MAP3K13: variants seen among roughly 807,000 people sequenced by gnomAD.
The protein encoded by MAP3K13 is leucine zipper-bearing kinase.
MAP3K13 carries 52 observed loss-of-function variants against 104.0 expected under a neutral mutation model. The ratio of observed to expected loss-of-function variants is 0.50; its 90% confidence interval spans 0.40 to 0.63. The LOEUF is 0.63. MAP3K13 is among the 20% of genes least tolerant of loss of function. The pLI is 0.00. For missense variants in MAP3K13, 914 were observed against 1,218.5 expected, an observed-to-expected ratio of 0.75 and a Z score of 3.72; for synonymous variants, 394 against 442.2, an observed-to-expected ratio of 0.89 and a Z score of 1.37.
chr3:185,358,965 T>C (rs1723489585), upstream of MAP3K13, among the ~76,000 whole-genome samples: 1 of 152,176 alleles, frequency 6.6e-6, no homozygotes, highest in Non-Finnish European at 1.5e-5. Flanking sequence ...TGAAGGAAAA[T>C]GACTTGGATG....
At chr3:185,376,836 G>A (rs1444340702) in intron 1 of MAP3K13, among the ~76,000 whole-genome samples, 5 of 152,070 alleles carry the variant, frequency 3.3e-5, no homozygotes, top group African/African-American at 7.2e-5. Context: ...GAATTATGTC[G>A]AGATAGGTAA....
At chr3:185,411,425 C>G (rs1039450578) in intron 1 of MAP3K13, among the ~76,000 whole-genome samples, 5 of 152,130 alleles carry the variant, frequency 3.3e-5, no homozygotes, top group African/African-American at 1.2e-4. Flanking sequence ...GTTTCCAAGC[C>G]CATGACAAAT....
intron 1 of MAP3K13, chr3:185,417,970 G>C: frequency 6.2e-7 from 1 of 1,609,414 alleles, no homozygotes; most frequent in Non-Finnish European, 8.5e-7. Flanking sequence ...GAGGGAAGCG[G>C]CTTTACGCCA....
intron 1 of MAP3K13, among the ~76,000 whole-genome samples, chr3:185,426,935 C>T (rs1386556025): frequency 2.6e-5 from 4 of 152,124 alleles, no homozygotes; most frequent in Non-Finnish European, 5.9e-5. Context: ...CTTTCTTTTA[C>T]CCCCTCTGCA....
chr3:185,299,074 G>A (rs915237268), intron 2 of MAP3K13, among the ~76,000 whole-genome samples: 1 of 152,182 alleles, frequency 6.6e-6, no homozygotes, highest in Admixed American at 6.5e-5. Flanking sequence ...GATGTAGAAT[G>A]TTGCAAGAGA....
In MAP3K13 at chr3:185,293,160, C is replaced by T. The variant is rs548832169; in HGVS notation, c.-86+7517C>T. On this transcript the variant is annotated intron_variant, in intron 2 of 14. Transcript: ENST00000424227. Reference sequence around the variant, plus strand: ...TGAGACAGAGTCTGGCTCTGTCACCCAGGCTGGAGTGTAGTGGCGCAATCT... The same window carrying T: ...TGAGACAGAGTCTGGCTCTGTCACCTAGGCTGGAGTGTAGTGGCGCAATCT... The T allele has an allele frequency of 2.0e-5, 11 of 545,276 alleles. No individual in the cohort carries two copies. In the East Asian group the frequency reaches 1.5e-3, roughly 72 times the overall value. The allele number at this position is 545,276 out of a possible 1,614,324, so 33.8% of individuals were successfully genotyped here.
intron 2 of MAP3K13, among the ~76,000 whole-genome samples, chr3:185,308,995 C>G (rs1432130724): frequency 6.6e-6 from 1 of 152,050 alleles, no homozygotes; most frequent in African/African-American, 2.4e-5. Flanking sequence ...GGAATGAGGT[C>G]TGGGGATTCC....
chr3:185,369,221 C>T lies in MAP3K13; in HGVS notation c.-86+5853C>T, dbSNP rs116032171. ...AAATAAAGATGGGAGGGGAATAGAG[C>T]GTGCTGGGAGTGGGGTAAATTTAAA... On this transcript the variant is annotated intron_variant, in intron 1 of 13. Coordinates refer to ENST00000265026, the MANE Select transcript of MAP3K13 (RefSeq NM_004721.5). Among the ~76,000 whole-genome samples the T allele has an allele frequency of 1.4e-3, 210 of 152,108 alleles. 2 individuals are homozygous for T. The highest frequency in any genetic ancestry group is 4.5e-3 in the African/African-American group (185 of 41,480).
intron 1 of MAP3K13, among the ~76,000 whole-genome samples, chr3:185,388,641 A>G (rs2108765727): frequency 6.6e-6 from 1 of 152,312 alleles, no homozygotes; most frequent in Non-Finnish European, 1.5e-5. Context: ...TGCCATCCCT[A>G]TCAAAATACC....
intron 2 of MAP3K13, among the ~76,000 whole-genome samples, chr3:185,346,967 G>T (rs1389781276): frequency 6.7e-6 from 1 of 149,158 alleles, no homozygotes; most frequent in Non-Finnish European, 1.5e-5. Flanking sequence ...TTGAACTGAG[G>T]TGTTCATAGC....
At chr3:185,298,585 T>A (rs1720995847) in intron 2 of MAP3K13, among the ~76,000 whole-genome samples, 1 of 152,232 alleles carries the variant, frequency 6.6e-6, no homozygotes, top group Admixed American at 6.5e-5. Flanking sequence ...AACTTTATGT[T>A]CATTTTTTAA....
rs556474951 is a variant in MAP3K13 at position 185,297,782 on chromosome 3, T to C, written c.-86+12139T>C. On this transcript the variant is annotated intron_variant, in intron 2 of 14. Transcript: ENST00000424227. ...AAAGAAAAAGAAACAGGTTCTTATG[T>C]AGTCACAACTAAACAGGGTAGGAAG... is the stretch of plus-strand genomic sequence containing the variant. Among the ~76,000 whole-genome samples the C allele has an allele frequency of 9.9e-5, 15 of 151,620 alleles. No individual in the cohort carries two copies. The South Asian group carries it at 1.9e-3, about 19-fold the overall frequency.
chr3:185,314,972 G>T (rs1721624557), intron 2 of MAP3K13, among the ~76,000 whole-genome samples: 1 of 152,072 alleles, frequency 6.6e-6, no homozygotes, highest in Admixed American at 6.5e-5. Flanking sequence ...ATACATGTTG[G>T]CCAGGTGCGG....
At chr3:185,397,627 GCTCT>G (rs1224666588) in intron 1 of MAP3K13, among the ~76,000 whole-genome samples, 1 of 152,034 alleles carries the variant, frequency 6.6e-6, no homozygotes, top group Non-Finnish European at 1.5e-5. Context: ...TCTCCTTAAA[GCTCT>G]CTGAGAAACT....
chr3:185,472,992 C>A lies in MAP3K13; in HGVS notation c.1661C>A (p.Ser554Ter). Residue 554 changes from serine (S) to a stop codon, truncating the protein, a stop_gained, in exon 11 of 14, where the codon TCA (serine) becomes TAA (stop). Coordinates refer to ENST00000265026, the MANE Select transcript of MAP3K13 (RefSeq NM_004721.5). LOFTEE classifies it high-confidence loss of function. ...MQTKRPDLLR[S>*]EGIPTTEVAP... ...CCTCCCAGGCCAGACTTGTTGAGAT[C>A]AGAAGGGATCCCCACCACAGAAGTG... is the stretch of plus-strand genomic sequence containing the variant. 1 of 1,614,050 alleles carries A rather than the reference C, an allele frequency of 6.2e-7. No individual in the cohort carries two copies. Among genetic ancestry groups the A allele is most frequent in the South Asian group, 1.1e-5 (1 of 91,064 alleles).
Position 185,443,449 on chromosome 3 carries a change from G to T in MAP3K13, c.664G>T (p.Val222Phe), listed in dbSNP as rs1237482045. The change falls in exon 4 of 14, where the codon GTT becomes TTT. Residue 222 changes from valine to phenylalanine, a missense_variant. Physicochemically the swap from Val to Phe is conservative, Grantham distance 50. Around this residue, in one of 3 missense-constraint regions of MAP3K13, gnomAD observed 175 missense variants for 321.3 expected, o/e 0.54. Transcript: ENST00000265026. ...ATGTTTATGTTTTCTTGGAAGGGGT[G>T]TTTGTACTCAGGCCCCATGTTATTG... ...KHPNIIAFKG[V>F]CTQAPCYCII... The T allele has an allele frequency of 1.2e-6, 2 of 1,609,484 alleles. No homozygotes were observed. Among genetic ancestry groups the T allele is most frequent in the Non-Finnish European group, 1.7e-6 (2 of 1,176,464 alleles).
intron 9 of MAP3K13, among the ~76,000 whole-genome samples, chr3:185,466,392 T>C (rs1156729409): frequency 9.6e-6 from 1 of 104,340 alleles, no homozygotes; most frequent in Non-Finnish European, 2.0e-5. Flanking sequence ...TTTTTTTTTT[T>C]GTGAGATGGA....
chr3:185,458,913 T>G (rs1485821530), intron 7 of MAP3K13, among the ~76,000 whole-genome samples: 1 of 152,206 alleles, frequency 6.6e-6, no homozygotes, highest in Non-Finnish European at 1.5e-5. Context: ...AGCTATAGCT[T>G]CATTGCTAGA....
At position 185,308,009 on chromosome 3, in the gene MAP3K13, CTTTTTTTTTTTTT is replaced by C. The variant is rs33949195; in HGVS notation, c.-86+22377_-86+22389del. Among the ~76,000 whole-genome samples, 4 of 31,566 alleles carry C rather than the reference CTTTTTTTTTTTTT, an allele frequency of 1.3e-4. 1 individual carries two copies. In the Admixed American group the frequency reaches 1.6e-3, roughly 13 times the overall value. The allele number at this position is 31,566 out of a possible 152,430, so 20.7% of individuals were successfully genotyped here. On this transcript the variant is annotated intron_variant, in intron 2 of 14. Coordinates refer to the MAP3K13 transcript ENST00000424227. The stretch of plus-strand genomic sequence containing the variant: ...TCATAGACTTTCATTTCTTTGGGGT[CTTTTTTTTTTTTT>C]TTTTTTTTTTGAGACTTACTTTGTT...
Sources: gnomAD v4.1 joint callset for allele counts (sites outside exome capture counted in the v4.1 genomes callset) on GRCh38, gnomAD v4.1.1 for gene constraint, gnomAD v4.1.1 regional missense constraint, MANE v1.5 for transcripts, NCBI Gene and HGNC (gene_info 2026-07-23, HGNC 2026-07-21) for gene names.